RALGAPB: variants seen among roughly 807,000 people sequenced by gnomAD.
RALGAPB encodes ral GTPase-activating protein subunit beta.
Under a neutral mutation model 161.1 loss-of-function variants are expected in RALGAPB, and 25 were observed. That is an observed-to-expected ratio of 0.16 (90% CI 0.11 to 0.22). The LOEUF is 0.22. Among genes scored for constraint, RALGAPB ranks in the 10% least tolerant of loss-of-function variants. The probability of loss-of-function intolerance (pLI) is 1.00; values close to 1 mark genes in which losing one functional copy is unlikely to be tolerated. For missense variants in RALGAPB, 1,391 were observed against 1,815.2 expected (o/e 0.77, Z 4.25); for synonymous variants, 629 against 626.1 (o/e 1.00, Z -0.07).
At chr20:38,528,051 T>A (rs2086524619) in intron 13 of RALGAPB, among the ~76,000 whole-genome samples, 1 of 152,236 alleles carries the variant, frequency 6.6e-6, no homozygotes, top group African/African-American at 2.4e-5. Flanking sequence ...CCAGACTGTG[T>A]GGCTTTAATC....
In RALGAPB at chr20:38,578,660, C is replaced by G. The variant is rs188718971; in HGVS notation, c.*3693C>G. On this transcript the variant is annotated 3_prime_UTR_variant, in exon 30 of 30. Coordinates refer to ENST00000262879, the MANE Select transcript of RALGAPB (RefSeq NM_020336.4). ...GTATTTTCTGTAAATATTTCTGGCA[C>G]TGAACTGTAAAGTAAAGGCAAAGTG... 1 of 152,746 alleles carries G rather than the reference C, an allele frequency of 6.5e-6. No individual in the cohort carries two copies. The highest frequency in any genetic ancestry group is 2.4e-5 in the African/African-American group (1 of 41,558). 9.5% of individuals were successfully genotyped at this position (152,746 alleles called of 1,614,324 possible). A position where few individuals can be genotyped will look rare whatever the true frequency, so the allele number is the denominator to read the frequency against.
chr20:38,505,094 A>G (rs2085719973), intron 5 of RALGAPB, among the ~76,000 whole-genome samples: 1 of 152,194 alleles, frequency 6.6e-6, no homozygotes. Context: ...ATCCAAAAGA[A>G]AACAAATTGT....
chr20:38,511,877 AGGGGCTGCTCACTTCCCAGAC>A (rs1315321889), intron 6 of RALGAPB, among the ~76,000 whole-genome samples: 1 of 152,106 alleles, frequency 6.6e-6, no homozygotes, highest in African/African-American at 2.4e-5. Context: ...GGCCGGGCAG[AGGGGCTGCTCACTTCCCAGAC>A]GGGGCGGCCG....
chr20:38,539,945 T>A lies in RALGAPB; in HGVS notation c.2549T>A (p.Met850Lys). The change falls in exon 17 of 30, where the codon ATG (methionine) becomes AAG (lysine). Residue 850 changes from methionine to lysine, a missense_variant. Transcript: ENST00000262879. ...GTCTGGCTGACAGAGCACCCTGATA[T>A]GCTTGATGAAAAGGTGAGTTTATTT... is the stretch of plus-strand genomic sequence containing the variant. ...LCVWLTEHPD[M>K]LDEKDCLKEV... The A allele has an allele frequency of 6.2e-7, 1 of 1,608,838 alleles. No individual in the cohort carries two copies. Among genetic ancestry groups the A allele is most frequent in the Non-Finnish European group, 8.5e-7 (1 of 1,177,670 alleles).
At chr20:38,524,394 C>G (rs1366914275) in intron 10 of RALGAPB, among the ~76,000 whole-genome samples, 5 of 152,202 alleles carry the variant, frequency 3.3e-5, no homozygotes. Context: ...AAAAGTACTG[C>G]AGCCTGTTGT....
At position 38,578,167 on chromosome 20, in the gene RALGAPB, A is replaced by G. The variant is rs1295078418; in HGVS notation, c.*3200A>G. ...CCCATTCAGGTTCTCTCTTCCTGAAAAGAACTGATTGCTGTGTTTACATGA... is the reference window on the plus strand; with the variant it reads ...CCCATTCAGGTTCTCTCTTCCTGAAGAGAACTGATTGCTGTGTTTACATGA... On this transcript the variant is annotated 3_prime_UTR_variant, in exon 30 of 30. Coordinates refer to ENST00000262879, the MANE Select transcript of RALGAPB (RefSeq NM_020336.4). 6.6e-6 allele frequency: 1 copy of G among 152,236 alleles called. No homozygotes were observed. The highest frequency in any genetic ancestry group is 1.9e-4 in the East Asian group (1 of 5,206). 9.4% of individuals were successfully genotyped at this position (152,236 alleles called of 1,614,324 possible). A position where few individuals can be genotyped will look rare whatever the true frequency, so the allele number is the denominator to read the frequency against.
Position 38,562,829 on chromosome 20 carries a change from T to G in RALGAPB, c.3697+132T>G, listed in dbSNP as rs376265811. 9 of 986,160 alleles carry G rather than the reference T, an allele frequency of 9.1e-6. No individual in the cohort carries two copies. The African/African-American group carries it at 1.5e-4, about 17-fold the overall frequency. 61.1% of individuals were successfully genotyped at this position (986,160 alleles called of 1,614,324 possible). A position where few individuals can be genotyped will look rare whatever the true frequency, so the allele number is the denominator to read the frequency against. Reference sequence around the variant, plus strand: ...GGCTGGGTACAGTGGCGCATGCCTGTCTTCAAGAAGCCAAGGTGGGAGGAT... The same window carrying G: ...GGCTGGGTACAGTGGCGCATGCCTGGCTTCAAGAAGCCAAGGTGGGAGGAT... On this transcript the variant is annotated intron_variant, in intron 24 of 29. Coordinates refer to ENST00000262879, the MANE Select transcript of RALGAPB (RefSeq NM_020336.4).
Position 38,550,933 on chromosome 20 carries a change from C to T in RALGAPB, c.3010-138C>T, listed in dbSNP as rs552908565. The T allele has an allele frequency of 2.7e-5, 25 of 931,366 alleles. No individual in the cohort carries two copies. The South Asian group carries it at 3.8e-4, about 14-fold the overall frequency. The allele number at this position is 931,366 out of a possible 1,614,324, so 57.7% of individuals were successfully genotyped here. A position where few individuals can be genotyped will look rare whatever the true frequency, so the allele number is the denominator to read the frequency against. On this transcript the variant is annotated intron_variant, in intron 20 of 29. Transcript: ENST00000262879. ...TGCTTCCCTTTGCTGTTATCTGTAG[C>T]ATTTGCAGGTTCTGAGTGAGTTTTT...
chr20:38,476,678 G>A (rs1488822516), intron 1 of RALGAPB, among the ~76,000 whole-genome samples: 1 of 152,172 alleles, frequency 6.6e-6, no homozygotes, highest in African/African-American at 2.4e-5. Context: ...TGAGAAGATC[G>A]TAAGCCAAAA....
chr20:38,560,110 T>G (rs1451897807), intron 23 of RALGAPB, among the ~76,000 whole-genome samples: 1 of 152,136 alleles, frequency 6.6e-6, no homozygotes, highest in East Asian at 1.9e-4. Context: ...GAGAAAGTTT[T>G]TTTTTTTTGT....
chr20:38,574,495 C>T (rs2088362484), intron 29 of RALGAPB, among the ~76,000 whole-genome samples, 197 bp downstream of exon 29: 1 of 151,994 alleles, frequency 6.6e-6, no homozygotes, highest in Non-Finnish European at 1.5e-5. Context: ...TAAGTAAAAC[C>T]TCACTAACTT....
At chr20:38,537,545 T>C (rs940118679) in intron 16 of RALGAPB, among the ~76,000 whole-genome samples, 4 of 152,140 alleles carry the variant, frequency 2.6e-5, no homozygotes, top group Non-Finnish European at 1.5e-5. Flanking sequence ...ATTTCTTAGG[T>C]GTTACGCTAG....
chr20:38,495,756 A>G (rs757882113), intron 3 of RALGAPB, among the ~76,000 whole-genome samples: 6 of 151,982 alleles, frequency 3.9e-5, no homozygotes, highest in Non-Finnish European at 7.4e-5. Flanking sequence ...TTTTTAATGT[A>G]AAGGTTACCT....
chr20:38,484,905 G>C (rs1171454021), intron 1 of RALGAPB, among the ~76,000 whole-genome samples: 2 of 152,076 alleles, frequency 1.3e-5, no homozygotes, highest in African/African-American at 2.4e-5. Flanking sequence ...ATGTTGGTCA[G>C]GCTAGTCTCC....
chr20:38,494,447 A>G (rs555028210), intron 3 of RALGAPB, among the ~76,000 whole-genome samples: 224 of 152,330 alleles, frequency 1.5e-3, no homozygotes, highest in Non-Finnish European at 2.8e-3. Flanking sequence ...CCTGGCCAAC[A>G]TGGCGAAACC....
At chr20:38,483,511 G>A (rs1315163055) in intron 1 of RALGAPB, among the ~76,000 whole-genome samples, 1 of 152,130 alleles carries the variant, frequency 6.6e-6, no homozygotes, top group African/African-American at 2.4e-5. Context: ...TAAAAATTGA[G>A]CTGTTTTATA....
intron 10 of RALGAPB, 53 bp from the exon 11 acceptor site, chr20:38,524,725 T>A: frequency 4.4e-6 from 6 of 1,377,456 alleles, no homozygotes; most frequent in Non-Finnish European, 6.2e-6. Flanking sequence ...AAATAATAAT[T>A]ATGAAAACTT....
At chr20:38,546,714 T>C (rs970950194) in intron 19 of RALGAPB, 1 of 360,580 alleles carries the variant, frequency 2.8e-6, no homozygotes, top group African/African-American at 2.1e-5. Flanking sequence ...CTTTGTCACT[T>C]TTTCTTCCCC....
chr20:38,527,817 C>A (rs551179615), intron 13 of RALGAPB, among the ~76,000 whole-genome samples: 3 of 152,252 alleles, frequency 2.0e-5, no homozygotes, highest in South Asian at 2.1e-4. Flanking sequence ...TGAGGCACTC[C>A]CTATGTACTT....
Sources: allele counts gnomAD v4.1 joint callset (sites outside exome capture counted in the v4.1 genomes callset), GRCh38; gene constraint gnomAD v4.1.1; transcripts MANE v1.5; gene names NCBI Gene and HGNC (gene_info 2026-07-23, HGNC 2026-07-21).